The following UPF1 variants were observed in gnomAD, a reference collection of about 807,000 sequenced individuals.
The protein encoded by UPF1 is regulator of nonsense transcripts 1.
In UPF1, 9 loss-of-function variants were observed where a neutral mutation model predicts 129.2. The ratio of observed to expected loss-of-function variants is 0.07; its 90% confidence interval spans 0.04 to 0.12. The LOEUF (loss-of-function observed/expected upper bound fraction) is 0.12. UPF1 is among the 10% of genes least tolerant of loss of function. The pLI is 1.00. For synonymous variants in UPF1, 649 were observed against 644.9 expected (o/e 1.01, Z -0.10); for missense variants, 788 against 1,525.3 (o/e 0.52, Z 8.05).
chr19:18,865,901 C>A lies in UPF1; in HGVS notation c.3237+123C>A. ...TGTCCACTGTCTGAATTACCTGTCC[C>A]TGGGCTGGGGTCATCAGAGTGGGTC... is the stretch of plus-strand genomic sequence containing the variant. On this transcript the variant is annotated intron_variant, in intron 22 of 23. Coordinates refer to ENST00000262803, the MANE Select transcript of UPF1 (RefSeq NM_002911.4). This position sits in a 1 kb window ranked among gnomAD's most constrained non-coding sequence, Gnocchi z 6.1. The A allele has an allele frequency of 6.4e-7, 1 of 1,574,126 alleles. No individual in the cohort carries two copies. The highest frequency in any genetic ancestry group is 1.1e-5 in the South Asian group (1 of 88,542).
intron 1 of UPF1, among the ~76,000 whole-genome samples, chr19:18,838,857 C>G (rs2055510750): frequency 6.6e-6 from 1 of 152,146 alleles, no homozygotes; most frequent in Non-Finnish European, 1.5e-5. Context: ...TGAAAGTGAC[C>G]TGAGCTGACA....
intron 3 of UPF1, chr19:18,848,229 G>A: frequency 5.1e-6 from 1 of 196,772 alleles, no homozygotes; most frequent in Non-Finnish European, 1.1e-5. Flanking sequence ...GAGCTGTCCG[G>A]AGGCTAATTC....
Position 18,846,140 on chromosome 19 carries a change from C to T in UPF1, c.371+21C>T, listed in dbSNP as rs199950905. The T allele has an allele frequency of 3.7e-6, 6 of 1,613,116 alleles. No homozygotes were observed. In the East Asian group the frequency reaches 1.3e-4, roughly 36 times the overall value. On this transcript the variant is annotated intron_variant, in intron 2 of 23. Coordinates refer to ENST00000262803, the MANE Select transcript of UPF1 (RefSeq NM_002911.4). ...TGCAGGTGAGCTGAGCTCAGCTGGG[C>T]CTGGGCATGTGCTGGACAGGTGGGT...
In UPF1 at chr19:18,860,868, G is replaced by A; in HGVS notation, c.2343G>A (p.Leu781=). Residue 781 remains leucine (L), a synonymous_variant, in exon 17 of 24, where the codon CTG becomes CTA. Coordinates refer to ENST00000262803, the MANE Select transcript of UPF1 (RefSeq NM_002911.4). ...ANVEKITTKL[L]KAGAKPDQIG... Reference sequence around the variant, plus strand: ...TGGAGAAGATCACCACGAAGTTGCTGAAGGCAGGCGCCAAGCCGGACCAGA... The same window carrying A: ...TGGAGAAGATCACCACGAAGTTGCTAAAGGCAGGCGCCAAGCCGGACCAGA... The A allele has an allele frequency of 6.2e-7, 1 of 1,611,480 alleles. No homozygotes were observed. The highest frequency in any genetic ancestry group is 8.5e-7 in the Non-Finnish European group (1 of 1,179,122).
intron 23 of UPF1, 73 bp downstream of exon 23, chr19:18,866,239 G>A: frequency 6.8e-7 from 1 of 1,473,810 alleles, no homozygotes; most frequent in Non-Finnish European, 9.0e-7. Context: ...TCTCCCCAGG[G>A]AGCTGCACTG....
chr19:18,832,524 G>T lies in UPF1; in HGVS notation c.231+84G>T, dbSNP rs1169682966. Reference sequence around the variant, plus strand: ...CCCGAACTCGCCTCGGGCCCGGCCTGTGTTTGGCCGGAGTCCCCCATCGCG... The same window carrying T: ...CCCGAACTCGCCTCGGGCCCGGCCTTTGTTTGGCCGGAGTCCCCCATCGCG... On this transcript the variant is annotated intron_variant, in intron 1 of 23. Transcript: ENST00000262803. The surrounding 1 kb of genome is among the most constrained non-coding windows in gnomAD (Gnocchi z 5.6). 5.9e-5 allele frequency: 56 copies of T among 948,858 alleles called. No individual in the cohort carries two copies. Among genetic ancestry groups the T allele is most frequent in the Non-Finnish European group, 6.9e-5 (55 of 795,234 alleles). 58.8% of individuals were successfully genotyped at this position (948,858 alleles called of 1,614,324 possible).
intron 17 of UPF1, 149 bp from the exon 18 acceptor site, chr19:18,861,861 G>A: frequency 9.6e-7 from 1 of 1,038,412 alleles, no homozygotes; most frequent in Non-Finnish European, 1.4e-6. Flanking sequence ...TGGCAGCAGA[G>A]CCAGGACAGC....
intron 1 of UPF1, among the ~76,000 whole-genome samples, chr19:18,840,967 C>T (rs1469457730): frequency 1.3e-5 from 2 of 152,210 alleles, no homozygotes; most frequent in Admixed American, 6.5e-5. Context: ...ATGGCATCTT[C>T]CTGAAGCATC....
chr19:18,839,841 G>C (rs535593430), intron 1 of UPF1, among the ~76,000 whole-genome samples: 1 of 152,198 alleles, frequency 6.6e-6, no homozygotes, highest in East Asian at 1.9e-4. Flanking sequence ...AGCACATGCC[G>C]CCTGGCCAGG....
intron 1 of UPF1, among the ~76,000 whole-genome samples, chr19:18,843,608 T>C (rs1358727173): frequency 1.4e-5 from 2 of 139,362 alleles, no homozygotes; most frequent in East Asian, 4.6e-4. Flanking sequence ...AACCTCCGCC[T>C]CCTGGGTTCA....
chr19:18,853,366 A>C lies in UPF1; in HGVS notation c.1156+16A>C. ...GTCCCTGATAGTATCCTTCATGTGAAGAGGGTGTGGCCGGCTGGTGGGAGA... is the reference window on the plus strand; with the variant it reads ...GTCCCTGATAGTATCCTTCATGTGACGAGGGTGTGGCCGGCTGGTGGGAGA... On this transcript the variant is annotated intron_variant, in intron 8 of 23. Transcript: ENST00000262803. The surrounding 1 kb of genome is among the most constrained non-coding windows in gnomAD (Gnocchi z 4.4). 4 of 1,590,642 alleles carry C rather than the reference A, an allele frequency of 2.5e-6. No homozygotes were observed. Among genetic ancestry groups the C allele is most frequent in the Non-Finnish European group, 3.4e-6 (4 of 1,168,200 alleles).
chr19:18,860,462 C>G, intron 16 of UPF1, 24 bp downstream of exon 16: 1 of 1,605,174 alleles, frequency 6.2e-7, no homozygotes, highest in Non-Finnish European at 8.5e-7. Flanking sequence ...GGCCCACCGG[C>G]GTCTGCAGGT....
chr19:18,862,936 T>C (rs564615674), intron 18 of UPF1: 21 of 153,814 alleles, frequency 1.4e-4, no homozygotes, highest in African/African-American at 4.1e-4. Flanking sequence ...GAGAGCCTGG[T>C]GCTCCTTCCG....
In UPF1 at chr19:18,856,033, C is replaced by G. The variant is rs1206749670; in HGVS notation, c.1653C>G (p.Ala551=). 1 of 1,613,982 alleles carries G rather than the reference C, an allele frequency of 6.2e-7. No homozygotes were observed. Among genetic ancestry groups the G allele is most frequent in the East Asian group, 2.2e-5 (1 of 44,904 alleles). The part of the protein sequence containing the change: ...VVRLCAKSRE[A]IDSPVSFLAL... ...GCCTCTGCGCCAAGAGCCGTGAGGC[C>G]ATCGACTCCCCGGTGTCTTTTCTGG... The change falls in exon 12 of 24, where the codon GCC becomes GCG. Residue 551 remains alanine (A), a synonymous_variant. Transcript: ENST00000262803.
At chr19:18,840,196 A>ACGGAGGACACCGGGATCAGGG (rs2055526915) in intron 1 of UPF1, among the ~76,000 whole-genome samples, 1 of 151,800 alleles carries the variant, frequency 6.6e-6, no homozygotes, top group Non-Finnish European at 1.5e-5. Context: ...GGCAGTGGAG[A>ACGGAGGACACCGGGATCAGGG]CGGAGGACAC....
chr19:18,849,972 A>G, intron 3 of UPF1, 103 bp from the exon 4 acceptor site: 1 of 1,451,596 alleles, frequency 6.9e-7, no homozygotes, highest in Non-Finnish European at 9.5e-7. Context: ...GCCTCTGCTA[A>G]TGGACCGTGA....
chr19:18,847,708 C>A (rs1216635795), intron 2 of UPF1, 36 bp from the exon 3 acceptor site: 1 of 1,598,522 alleles, frequency 6.3e-7, no homozygotes, highest in Admixed American at 1.7e-5. Flanking sequence ...AGAGAGCAAG[C>A]TTCCAGCTGT....
intron 3 of UPF1, 181 bp from the exon 4 acceptor site, chr19:18,849,893 TG>T (rs1326069490): frequency 3.0e-6 from 2 of 660,902 alleles, no homozygotes; most frequent in Non-Finnish European, 5.1e-6. Flanking sequence ...GATTGATTTT[TG>T]TGCTCAGTGG....
At position 18,863,105 on chromosome 19, in the gene UPF1, G is replaced by A. The variant is rs563010090; in HGVS notation, c.2601-333G>A. 49 of 253,708 alleles carry A rather than the reference G, an allele frequency of 1.9e-4. No homozygotes were observed. In the South Asian group the frequency reaches 3.2e-3, roughly 16 times the overall value. The allele number at this position is 253,708 out of a possible 1,614,324, so 15.7% of individuals were successfully genotyped here. ...GAGCTGGGCATCGGGTCAGTGCCCC[G>A]GCCTGCTGGGGGCCCTGTGGGGCCG... is the stretch of plus-strand genomic sequence containing the variant. On this transcript the variant is annotated intron_variant, in intron 18 of 23. Coordinates refer to ENST00000262803, the MANE Select transcript of UPF1 (RefSeq NM_002911.4).
Sources: gnomAD v4.1 joint callset for allele counts (sites outside exome capture counted in the v4.1 genomes callset) on GRCh38, gnomAD v4.1.1 for gene constraint, Gnocchi (gnomAD v3.1) non-coding constraint, MANE v1.5 for transcripts, NCBI Gene and HGNC (gene_info 2026-07-23, HGNC 2026-07-21) for gene names.